FAM114A1: variants seen among roughly 807,000 people sequenced by gnomAD.
FAM114A1 encodes protein NOXP20.
A neutral mutation model predicts 64.3 loss-of-function variants in FAM114A1; 62 were observed. The ratio of observed to expected loss-of-function variants is 0.96; its 90% CI spans 0.79 to 1.19. The LOEUF (loss-of-function observed/expected upper bound fraction) is 1.19, where lower values mean the gene tolerates loss of function less well. Among genes scored for constraint, FAM114A1 ranks in the 50% most tolerant of loss-of-function variants. The pLI, the probability that FAM114A1 is intolerant of heterozygous loss-of-function variation, is 0.00. For synonymous variants in FAM114A1, 254 were observed against 251.1 expected (o/e 1.01, Z -0.11); for missense variants, 645 against 676.3 (o/e 0.95, Z 0.51).
chr4:38,912,482 T>C lies in FAM114A1; in HGVS notation c.793-2439T>C, dbSNP rs114644552. ...TCACTGCAACCTCCTCCTCTTGGCT[T>C]CAAGTGATTCTCCTGCCTCCCTCCT... is the stretch of plus-strand genomic sequence containing the variant. On this transcript the variant is annotated intron_variant, in intron 7 of 14. Coordinates refer to ENST00000358869, the MANE Select transcript of FAM114A1 (RefSeq NM_138389.4). Among the ~76,000 whole-genome samples, 760 of 152,274 alleles carry C rather than the reference T, an allele frequency of 5.0e-3. 9 individuals carry two copies. Among genetic ancestry groups the C allele is most frequent in the African/African-American group, 0.017 (712 of 41,558 alleles).
rs532473432 is a variant in FAM114A1 at position 38,930,034 on chromosome 4, G to A, written c.1161+701G>A. ...AGAGGCTTTTTTCAAATTTCACCCC[G>A]CCCCCCTTCTAAAGAAACATGCCAG... is the stretch of plus-strand genomic sequence containing the variant. On this transcript the variant is annotated intron_variant, in intron 10 of 14. Coordinates refer to ENST00000358869, the MANE Select transcript of FAM114A1 (RefSeq NM_138389.4). Among the ~76,000 whole-genome samples the A allele has an allele frequency of 7.2e-5, 11 of 152,074 alleles. 1 individual carries two copies. In the East Asian group the frequency reaches 7.7e-4, roughly 11 times the overall value.
rs111315786 is a variant in FAM114A1, at chr4:38,888,204, A to G, written c.349-3539A>G. 4.2e-3 allele frequency among the ~76,000 whole-genome samples: 644 copies of G among 152,002 alleles called. 3 individuals are homozygous for G. Among genetic ancestry groups the G allele is most frequent in the African/African-American group, 0.014 (589 of 41,446 alleles). ...AAGACCTTTAAATGGGATACTAGAT[A>G]TGAAAATGTCTTTCCTATTTAAAGA... On this transcript the variant is annotated intron_variant, in intron 3 of 14. Transcript: ENST00000358869.
intron 7 of FAM114A1, among the ~76,000 whole-genome samples, chr4:38,913,391 A>C (rs1718744895): frequency 6.6e-6 from 1 of 152,074 alleles, no homozygotes; most frequent in African/African-American, 2.4e-5. Flanking sequence ...TCTATAAGCT[A>C]ATGTTCTTTT....
chr4:38,919,315 T>A (rs1719360737), intron 8 of FAM114A1, among the ~76,000 whole-genome samples: 1 of 152,226 alleles, frequency 6.6e-6, no homozygotes. Context: ...CAGACTCTGC[T>A]TCAGCCTGCC....
intron 3 of FAM114A1, among the ~76,000 whole-genome samples, chr4:38,886,291 C>T (rs1319655503): frequency 1.3e-5 from 2 of 151,760 alleles, no homozygotes; most frequent in African/African-American, 2.4e-5. Context: ...CCTGCCTCAG[C>T]CTCCCGAGTA....
intron 6 of FAM114A1, among the ~76,000 whole-genome samples, chr4:38,906,336 C>G (rs570859961): frequency 1.6e-4 from 25 of 152,142 alleles, no homozygotes; most frequent in African/African-American, 6.0e-4. Flanking sequence ...GTTCTTCCCC[C>G]ATCCCTACCT....
chr4:38,912,006 G>A (rs997787495), intron 7 of FAM114A1, among the ~76,000 whole-genome samples: 3 of 151,218 alleles, frequency 2.0e-5, no homozygotes, highest in African/African-American at 7.3e-5. Flanking sequence ...GGATTACAGT[G>A]TGCACCACCA....
chr4:38,942,461 A>G (rs1170086520), intron 14 of FAM114A1, among the ~76,000 whole-genome samples: 1 of 152,212 alleles, frequency 6.6e-6, no homozygotes, highest in Non-Finnish European at 1.5e-5. Flanking sequence ...ATGTGGTACA[A>G]GAAAAATCTC....
chr4:38,902,996 T>G (rs1490346963), intron 4 of FAM114A1, among the ~76,000 whole-genome samples: 1 of 152,194 alleles, frequency 6.6e-6, no homozygotes, highest in Non-Finnish European at 1.5e-5. Context: ...TACATAAATA[T>G]AAAGCTGAAC....
intron 2 of FAM114A1, among the ~76,000 whole-genome samples, chr4:38,872,482 A>G (rs1714178699): frequency 6.6e-6 from 1 of 152,232 alleles, no homozygotes; most frequent in Non-Finnish European, 1.5e-5. Flanking sequence ...ACTTCCTAAT[A>G]ATCCAGATTA....
intron 3 of FAM114A1, among the ~76,000 whole-genome samples, chr4:38,885,713 A>G (rs952627951): frequency 1.3e-5 from 2 of 152,216 alleles, no homozygotes; most frequent in East Asian, 1.9e-4. Context: ...AGATGTTACC[A>G]GATACAGATA....
chr4:38,927,296 G>A (rs1365892183), intron 9 of FAM114A1, among the ~76,000 whole-genome samples: 1 of 152,182 alleles, frequency 6.6e-6, no homozygotes, highest in Admixed American at 6.5e-5. Context: ...ATTTCTCACA[G>A]CTTTGGAGAC....
chr4:38,877,979 A>AT, intron 2 of FAM114A1, 92 bp from the exon 3 acceptor site: 9 of 1,071,172 alleles, frequency 8.4e-6, no homozygotes, highest in African/African-American at 1.6e-5. Context: ...AAAAAAAAAA[A>AT]GTTTTCCCCT....
chr4:38,878,368 C>T lies in FAM114A1; in HGVS notation c.290C>T (p.Ser97Phe). 6.2e-7 allele frequency: 1 copy of T among 1,613,220 alleles called. No individual in the cohort carries two copies. The highest frequency in any genetic ancestry group is 2.2e-5 in the East Asian group (1 of 44,880). Residue 97 changes from serine (S) to phenylalanine (F), a missense_variant, in exon 3 of 15, where the codon TCC becomes TTC. Coordinates refer to ENST00000358869, the MANE Select transcript of FAM114A1 (RefSeq NM_138389.4). ...GATACACTTGCTGAATGTATTGATT[C>T]CGTCAGCCTTGAGGCAGAACCCAGA... Reference protein sequence around the residue: ...TEDTLAECIDSVSLEAEPRSE... With the variant: ...TEDTLAECIDFVSLEAEPRSE...
intron 4 of FAM114A1, among the ~76,000 whole-genome samples, chr4:38,896,120 TG>T (rs1716914595): frequency 6.6e-6 from 1 of 152,160 alleles, no homozygotes; most frequent in East Asian, 1.9e-4. Context: ...GCATACAAAA[TG>T]GCAAAGGGTA....
chr4:38,943,191 CAAAAAAA>C (rs1255932256), intron 14 of FAM114A1, among the ~76,000 whole-genome samples: 2 of 88,876 alleles, frequency 2.3e-5, no homozygotes, highest in Non-Finnish European at 4.5e-5. Context: ...GACTCTGTCT[CAAAAAAA>C]AAAAAAAAAA....
intron 2 of FAM114A1, among the ~76,000 whole-genome samples, chr4:38,876,859 T>C (rs56229790): frequency 0.27 from 41,737 of 152,112 alleles, 6,110 homozygotes; most frequent in African/African-American, 0.31. Flanking sequence ...CCCCTTCCTT[T>C]ATCTTTGAAG....
At chr4:38,938,421 T>G (rs1721289989) in intron 13 of FAM114A1, 1 of 152,258 alleles carries the variant, frequency 6.6e-6, no homozygotes, top group South Asian at 2.1e-4. Context: ...TCTGACCTGC[T>G]TCTCCTATTT....
chr4:38,926,782 C>G (rs1339890488), intron 9 of FAM114A1, among the ~76,000 whole-genome samples: 2 of 152,158 alleles, frequency 1.3e-5, no homozygotes, highest in South Asian at 2.1e-4. Flanking sequence ...GAGACTGTCT[C>G]TCTATCTCTG....
Sources: allele counts gnomAD v4.1 joint callset (sites outside exome capture counted in the v4.1 genomes callset), GRCh38; gene constraint gnomAD v4.1.1; transcripts MANE v1.5; gene names NCBI Gene and HGNC (gene_info 2026-07-23, HGNC 2026-07-21).